The following LRRIQ1 variants were observed in gnomAD, a reference collection of about 807,000 sequenced individuals.
The protein encoded by LRRIQ1 is leucine-rich repeat- and IQ domain-containing protein 1.
A neutral mutation model predicts 211.9 loss-of-function variants in LRRIQ1; 210 were observed. The ratio of observed to expected loss-of-function variants is 0.99; its 90% CI spans 0.89 to 1.11. The LOEUF is 1.11. LRRIQ1 is among the 50% of genes most tolerant of loss of function. The probability of loss-of-function intolerance (pLI) is 0.00; values close to 1 mark genes in which losing one functional copy is unlikely to be tolerated. For missense variants in LRRIQ1, 2,136 were observed against 1,939.5 expected (o/e 1.10, Z -1.90); for synonymous variants, 699 against 650.1 (o/e 1.08, Z -1.14).
At chr12:85,212,635 C>T (rs1420605430) in intron 24 of LRRIQ1, among the ~76,000 whole-genome samples, 1 of 151,022 alleles carries the variant, frequency 6.6e-6, no homozygotes, top group Non-Finnish European at 1.5e-5. Context: ...TCAAAATGTT[C>T]TATGATTCTT....
chr12:85,107,584 T>G (rs149924210), intron 15 of LRRIQ1, among the ~76,000 whole-genome samples: 5 of 152,222 alleles, frequency 3.3e-5, no homozygotes, highest in African/African-American at 1.2e-4. Flanking sequence ...TTTGGAAAAT[T>G]TATGGCCATT....
At chr12:85,161,642 T>G (rs539292464) in intron 24 of LRRIQ1, among the ~76,000 whole-genome samples, 2 of 152,296 alleles carry the variant, frequency 1.3e-5, no homozygotes, top group South Asian at 4.1e-4. Flanking sequence ...TTGTAATGTC[T>G]AAAACTAAAG....
chr12:85,199,349 C>A (rs772177584), intron 24 of LRRIQ1, among the ~76,000 whole-genome samples: 1 of 152,038 alleles, frequency 6.6e-6, no homozygotes, highest in African/African-American at 2.4e-5. Context: ...GTTATTCCAG[C>A]GCTTTTTATT....
intron 5 of LRRIQ1, among the ~76,000 whole-genome samples, chr12:85,046,577 A>C (rs1326518919): frequency 6.6e-6 from 1 of 152,206 alleles, no homozygotes; most frequent in Non-Finnish European, 1.5e-5. Flanking sequence ...ATATGTTAAC[A>C]TTATTTTTTT....
At chr12:85,106,370 C>T (rs559891746) in intron 14 of LRRIQ1, 152 bp from the exon 15 acceptor site, 2 of 591,960 alleles carry the variant, frequency 3.4e-6, no homozygotes, top group African/African-American at 1.9e-5. Context: ...GTCCTTAACA[C>T]AGTCTTCTTT....
In LRRIQ1 at chr12:85,044,721, G is replaced by A. The variant is rs3765044; in HGVS notation, c.248G>A (p.Cys83Tyr). The A allele has an allele frequency of 0.25, 371,148 of 1,492,870 alleles. 48,570 individuals are homozygous for A. The highest frequency in any genetic ancestry group is 0.33 in the Admixed American group (19,027 of 56,910). 92.5% of individuals were successfully genotyped at this position (1,492,870 alleles called of 1,614,324 possible). A position where few individuals can be genotyped will look rare whatever the true frequency, so the allele number is the denominator to read the frequency against. Residue 83 changes from cysteine to tyrosine, a missense_variant, in exon 4 of 27, where the codon TGT (cysteine) becomes TAT (tyrosine). Physicochemically the swap from Cys to Tyr is radical, Grantham distance 194. Transcript: ENST00000393217. Reference sequence around the variant, plus strand: ...TATACATTTTTTCTTTCTCTAGGCTGTAGTTATGGAGCAGTTTCTAATAAT... The same window carrying A: ...TATACATTTTTTCTTTCTCTAGGCTATAGTTATGGAGCAGTTTCTAATAAT... ...QDLEDTDILS[C>Y]SYGAVSNNHM...
chr12:85,163,553 TAA>T (rs879741845), intron 24 of LRRIQ1, among the ~76,000 whole-genome samples: 1 of 151,628 alleles, frequency 6.6e-6, no homozygotes, highest in African/African-American at 2.4e-5. Flanking sequence ...TGTATAAATT[TAA>T]AAAAAAATTA....
At chr12:85,234,079 C>CAA (rs57407994) in intron 26 of LRRIQ1, among the ~76,000 whole-genome samples, 26 of 149,976 alleles carry the variant, frequency 1.7e-4, no homozygotes, top group African/African-American at 6.3e-4. Context: ...CCCAAAAATA[C>CAA]AAAAAAAAAT....
intron 19 of LRRIQ1, among the ~76,000 whole-genome samples, chr12:85,149,105 G>T (rs1253913642): frequency 1.3e-5 from 2 of 151,956 alleles, no homozygotes; most frequent in Non-Finnish European, 1.5e-5. Flanking sequence ...TAGGTTGCCT[G>T]TTCACTCTGA....
In LRRIQ1 at chr12:85,101,044, A is replaced by T. The variant is rs542172585; in HGVS notation, c.3209+2050A>T. On this transcript the variant is annotated intron_variant, in intron 13 of 26. Transcript: ENST00000393217. Reference sequence around the variant, plus strand: ...TGACCCTCAGTTTTTTCTCACAAGTATAAAAGTGGTAATGCCTATCTTACC... The same window carrying T: ...TGACCCTCAGTTTTTTCTCACAAGTTTAAAAGTGGTAATGCCTATCTTACC... 1.1e-4 allele frequency among the ~76,000 whole-genome samples: 16 copies of T among 151,926 alleles called. No individual in the cohort carries two copies. The South Asian group carries it at 3.3e-3, about 31-fold the overall frequency.
intron 19 of LRRIQ1, among the ~76,000 whole-genome samples, chr12:85,145,507 A>G (rs967820973): frequency 1.3e-5 from 2 of 151,464 alleles, no homozygotes; most frequent in Admixed American, 6.6e-5. Context: ...TTTATCCTAC[A>G]TGAACTCTAA....
At chr12:85,203,225 C>G (rs1039411610) in intron 24 of LRRIQ1, among the ~76,000 whole-genome samples, 4 of 152,176 alleles carry the variant, frequency 2.6e-5, no homozygotes, top group African/African-American at 9.7e-5. Flanking sequence ...TAAGACAGGA[C>G]TTGCTCCTCC....
chr12:85,228,475 T>C (rs1894776979), intron 24 of LRRIQ1, among the ~76,000 whole-genome samples: 2 of 152,168 alleles, frequency 1.3e-5, no homozygotes, highest in Non-Finnish European at 2.9e-5. Flanking sequence ...TAAGGTCGCA[T>C]AAGAAGCAAT....
chr12:85,189,099 A>G (rs1433453106), intron 24 of LRRIQ1, among the ~76,000 whole-genome samples: 1 of 152,144 alleles, frequency 6.6e-6, no homozygotes, highest in Non-Finnish European at 1.5e-5. Flanking sequence ...CAAAAATCCC[A>G]GAAAAAAACA....
rs924793112 is a variant in LRRIQ1, at chr12:85,067,541, T to G, written c.2695+643T>G. ...TTGTGGACCCAACTTTTATCTTTTATTTTTTATTTATTTATTTATATTTTT... is the reference window on the plus strand; with the variant it reads ...TTGTGGACCCAACTTTTATCTTTTAGTTTTTATTTATTTATTTATATTTTT... On this transcript the variant is annotated intron_variant, in intron 10 of 26. Transcript: ENST00000393217. Among the ~76,000 whole-genome samples, 10 of 151,882 alleles carry G rather than the reference T, an allele frequency of 6.6e-5. No homozygotes were observed. In the East Asian group the frequency reaches 1.4e-3, roughly 21 times the overall value.
chr12:85,243,578 T>C (rs1895570096), intron 26 of LRRIQ1, among the ~76,000 whole-genome samples: 2 of 151,216 alleles, frequency 1.3e-5, no homozygotes, highest in African/African-American at 2.4e-5. Context: ...GCAATACATA[T>C]GTTAATTTGC....
At chr12:85,055,197 G>A (rs1880831084) in intron 7 of LRRIQ1, among the ~76,000 whole-genome samples, 5 of 151,842 alleles carry the variant, frequency 3.3e-5, no homozygotes, top group South Asian at 4.1e-4. Flanking sequence ...TTTCTTTTAC[G>A]TGGTTTTTAG....
chr12:85,193,099 TATATATAATTATA>T (rs1367672459), intron 24 of LRRIQ1, among the ~76,000 whole-genome samples: 2 of 121,584 alleles, frequency 1.6e-5, no homozygotes, highest in East Asian at 4.3e-4. Context: ...TATATATATT[TATATATAATTATA>T]GTATATAATT....
intron 11 of LRRIQ1, among the ~76,000 whole-genome samples, chr12:85,092,375 C>T (rs1047785990): frequency 1.3e-5 from 2 of 152,084 alleles, no homozygotes; most frequent in African/African-American, 4.8e-5. Context: ...CCATCCACAC[C>T]TCTTTCCTGC....
Sources: gnomAD v4.1 joint callset for allele counts (sites outside exome capture counted in the v4.1 genomes callset) on GRCh38, gnomAD v4.1.1 for gene constraint, MANE v1.5 for transcripts, NCBI Gene and HGNC (gene_info 2026-07-23, HGNC 2026-07-21) for gene names.